XKR4: variants seen among roughly 807,000 people sequenced by gnomAD.
XKR4 encodes XK related 4.
A neutral mutation model predicts 53.9 loss-of-function variants in XKR4; 12 were observed. That is an observed-to-expected ratio of 0.22 (90% CI 0.14 to 0.36). The LOEUF is 0.36. XKR4 is among the 10% of genes least tolerant of loss of function. The pLI is 1.00. For missense variants in XKR4, 799 were observed against 859.5 expected (o/e 0.93, Z 0.88); for synonymous variants, 354 against 362.4 (o/e 0.98, Z 0.26).
intron 2 of XKR4, chr8:55,449,776 G>A (rs1805402947): frequency 8.5e-7 from 1 of 1,181,666 alleles, no homozygotes; most frequent in Admixed American, 1.7e-5. Flanking sequence ...ACATGAACCA[G>A]CGGGCCTTCC....
chr8:55,277,257 C>T (rs1008229453), intron 1 of XKR4, among the ~76,000 whole-genome samples: 12 of 152,152 alleles, frequency 7.9e-5, no homozygotes, highest in African/African-American at 2.7e-4. Context: ...ATCCATGATG[C>T]TAAGGTGCTA....
At chr8:55,483,630 G>A (rs745962558) in intron 2 of XKR4, among the ~76,000 whole-genome samples, 1 of 151,828 alleles carries the variant, frequency 6.6e-6, no homozygotes, top group Non-Finnish European at 1.5e-5. Flanking sequence ...AGTCTCAAGG[G>A]AAACTTTTTA....
intron 2 of XKR4, among the ~76,000 whole-genome samples, 194 bp downstream of exon 2, chr8:55,358,071 G>T (rs531568177): frequency 6.6e-6 from 1 of 152,076 alleles, no homozygotes; most frequent in Non-Finnish European, 1.5e-5. Context: ...GAAAGACAGC[G>T]CATTTTTGCT....
In XKR4 at chr8:55,466,551, A is replaced by G. The variant is rs536740852; in HGVS notation, c.1007-56730A>G. Among the ~76,000 whole-genome samples, 4 of 152,182 alleles carry G rather than the reference A, an allele frequency of 2.6e-5. No homozygotes were observed. In the South Asian group the frequency reaches 8.3e-4, roughly 32 times the overall value. ...CCTAATGCTAAATGACAAGTTAATG[A>G]GTGCAGCACACCAACATGGCACATG... is the stretch of plus-strand genomic sequence containing the variant. On this transcript the variant is annotated intron_variant, in intron 2 of 2. Coordinates refer to ENST00000327381, the MANE Select transcript of XKR4 (RefSeq NM_052898.2).
intron 1 of XKR4, among the ~76,000 whole-genome samples, chr8:55,114,367 A>G (rs1468212791): frequency 6.6e-6 from 1 of 152,122 alleles, no homozygotes; most frequent in Admixed American, 6.6e-5. Flanking sequence ...GGCTGCTTAT[A>G]TATCTTCTTT....
chr8:55,490,111 TTGCTTCTAATA>T (rs2129402064), intron 2 of XKR4, among the ~76,000 whole-genome samples: 1 of 152,128 alleles, frequency 6.6e-6, no homozygotes, highest in East Asian at 1.9e-4. Flanking sequence ...ACATCCAAGT[TTGCTTCTAATA>T]TGCTTTCCCT....
At chr8:55,390,337 A>T (rs1804427266) in intron 2 of XKR4, among the ~76,000 whole-genome samples, 1 of 152,208 alleles carries the variant, frequency 6.6e-6, no homozygotes, top group African/African-American at 2.4e-5. Flanking sequence ...AATAAATACA[A>T]TTTTTATATC....
intron 1 of XKR4, among the ~76,000 whole-genome samples, chr8:55,352,806 A>T (rs111485582): frequency 2.0e-5 from 3 of 152,298 alleles, no homozygotes; most frequent in African/African-American, 7.2e-5. Context: ...AAACCCAAAG[A>T]ATCTGACTTT....
At chr8:55,192,641 ACAG>A (rs914844083) in intron 1 of XKR4, among the ~76,000 whole-genome samples, 1 of 152,160 alleles carries the variant, frequency 6.6e-6, no homozygotes, top group Non-Finnish European at 1.5e-5. Flanking sequence ...GCAGACCAAC[ACAG>A]CAGCTGGGAC....
chr8:55,127,955 C>T (rs1417927560), intron 1 of XKR4, among the ~76,000 whole-genome samples: 1 of 152,002 alleles, frequency 6.6e-6, no homozygotes. Context: ...GTATATGTGC[C>T]ACATTTTCTT....
At chr8:55,179,985 C>A (rs1817285140) in intron 1 of XKR4, among the ~76,000 whole-genome samples, 1 of 152,108 alleles carries the variant, frequency 6.6e-6, no homozygotes, top group African/African-American at 2.4e-5. Context: ...TCCTAGAAGA[C>A]CTTAATTATA....
intron 1 of XKR4, among the ~76,000 whole-genome samples, chr8:55,199,642 T>G (rs1349085563): frequency 6.6e-6 from 1 of 152,178 alleles, no homozygotes; most frequent in East Asian, 1.9e-4. Flanking sequence ...GACTGTTAAT[T>G]TGACTCTCTC....
chr8:55,377,468 C>T (rs1392701709), intron 2 of XKR4, among the ~76,000 whole-genome samples: 1 of 152,182 alleles, frequency 6.6e-6, no homozygotes, highest in African/African-American at 2.4e-5. Flanking sequence ...TTACAATCCA[C>T]AGTATCTACC....
chr8:55,369,636 G>T (rs1804044848), intron 2 of XKR4, among the ~76,000 whole-genome samples: 1 of 151,934 alleles, frequency 6.6e-6, no homozygotes, highest in Non-Finnish European at 1.5e-5. Context: ...ATTATATTTT[G>T]TTGCTTATCT....
intron 2 of XKR4, among the ~76,000 whole-genome samples, chr8:55,389,152 G>A (rs1253108373): frequency 1.3e-5 from 2 of 152,182 alleles, no homozygotes. Flanking sequence ...AAGCTGGGAA[G>A]GAGGCCTGAA....
chr8:55,471,374 C>G (rs781691896), intron 2 of XKR4, among the ~76,000 whole-genome samples: 20 of 152,084 alleles, frequency 1.3e-4, no homozygotes, highest in Admixed American at 2.6e-4. Flanking sequence ...AGTGTGACTG[C>G]CCACCCTTTT....
At chr8:55,374,931 G>A (rs1279534300) in intron 2 of XKR4, among the ~76,000 whole-genome samples, 2 of 152,218 alleles carry the variant, frequency 1.3e-5, no homozygotes, top group East Asian at 3.9e-4. Flanking sequence ...TGGTGATGGA[G>A]CTGTGAAAAG....
intron 2 of XKR4, chr8:55,451,840 C>T: frequency 3.3e-6 from 3 of 917,016 alleles, no homozygotes; most frequent in East Asian, 2.5e-5. Flanking sequence ...CATGGTCATG[C>T]CGTCCGAGGG....
In XKR4 at chr8:55,274,664, C is replaced by T. The variant is rs142528769; in HGVS notation, c.807-83014C>T. 2.2e-3 allele frequency among the ~76,000 whole-genome samples: 341 copies of T among 152,260 alleles called. 1 individual carries two copies. Among genetic ancestry groups the T allele is most frequent in the African/African-American group, 7.8e-3 (324 of 41,534 alleles). On this transcript the variant is annotated intron_variant, in intron 1 of 2. Coordinates refer to ENST00000327381, the MANE Select transcript of XKR4 (RefSeq NM_052898.2). ...ACTAGGCTGGTCTCGAACTCCTGGC[C>T]TCAAGTGATCTGCCTGCCTCGTCCT...
Sources: allele counts gnomAD v4.1 joint callset (sites outside exome capture counted in the v4.1 genomes callset), GRCh38; gene constraint gnomAD v4.1.1; transcripts MANE v1.5; gene names NCBI Gene and HGNC (gene_info 2026-07-23, HGNC 2026-07-21).